The following NT5DC1 variants were observed in gnomAD, a reference collection of about 807,000 sequenced individuals.
NT5DC1 encodes the protein 5'-nucleotidase domain-containing protein 1.
In NT5DC1, 42 loss-of-function variants were observed where a neutral mutation model predicts 59.4. The observed-to-expected ratio is 0.71, with a 90% CI of 0.55 to 0.92. The LOEUF is 0.92. Among genes scored for constraint, NT5DC1 ranks in the 40% least tolerant of loss-of-function variants. The pLI is 0.00. For missense variants in NT5DC1, 501 were observed against 537.1 expected, an observed-to-expected ratio of 0.93 and a Z score of 0.66; for synonymous variants, 172 against 188.1, an observed-to-expected ratio of 0.91 and a Z score of 0.70.
At chr6:116,140,475 C>T (rs12204816) in intron 6 of NT5DC1, among the ~76,000 whole-genome samples, 21,801 of 152,012 alleles carry the variant, frequency 0.14, 2,182 homozygotes, top group Middle Eastern at 0.23. Flanking sequence ...ATATATCATT[C>T]TTTTATGCTA....
intron 8 of NT5DC1, among the ~76,000 whole-genome samples, chr6:116,231,155 C>CCG (rs199826610): frequency 0.011 from 1,548 of 147,366 alleles, 61 homozygotes; most frequent in African/African-American, 0.037. Context: ...AAATCCCCCC[C>CCG]CCAAACCAAA....
intron 6 of NT5DC1, among the ~76,000 whole-genome samples, chr6:116,131,252 A>G (rs369164541): frequency 1.3e-5 from 2 of 152,290 alleles, no homozygotes; most frequent in East Asian, 1.9e-4. Flanking sequence ...AACATTGTAT[A>G]TTTCTGAAGT....
intron 6 of NT5DC1, among the ~76,000 whole-genome samples, chr6:116,218,660 A>G (rs982451985): frequency 2.6e-5 from 4 of 152,168 alleles, no homozygotes; most frequent in Non-Finnish European, 1.5e-5. Context: ...TTAAAGGGCT[A>G]TTATATAGCC....
At chr6:116,206,477 A>T (rs528563654) in intron 6 of NT5DC1, among the ~76,000 whole-genome samples, 1 of 152,088 alleles carries the variant, frequency 6.6e-6, no homozygotes, top group East Asian at 1.9e-4. Context: ...ATTTGGGTCC[A>T]TACCACCCAG....
intron 2 of NT5DC1, among the ~76,000 whole-genome samples, chr6:116,107,740 T>C (rs1778792971): frequency 6.6e-6 from 1 of 151,608 alleles, no homozygotes; most frequent in African/African-American, 2.4e-5. Flanking sequence ...GCCCGGCTAA[T>C]TTTTTGTATT....
At chr6:116,159,738 C>T (rs1780284651) in intron 6 of NT5DC1, among the ~76,000 whole-genome samples, 1 of 152,168 alleles carries the variant, frequency 6.6e-6, no homozygotes, top group African/African-American at 2.4e-5. Context: ...AAATAGTGAA[C>T]ACTGTACCAA....
At chr6:116,146,984 G>C (rs1477443331) in intron 6 of NT5DC1, among the ~76,000 whole-genome samples, 1 of 122,024 alleles carries the variant, frequency 8.2e-6, no homozygotes, top group Non-Finnish European at 1.6e-5. Context: ...TTTTATATAT[G>C]TATAAAATAA....
intron 5 of NT5DC1, 101 bp from the exon 6 acceptor site, chr6:116,117,760 T>G (rs960985333): frequency 4.5e-6 from 3 of 660,836 alleles, no homozygotes; most frequent in Non-Finnish European, 8.0e-6. Flanking sequence ...TCTAACCATC[T>G]TAAGTCAGGG....
rs146705616 is a variant in NT5DC1, at chr6:116,122,672, G to A, written c.529+4727G>A. Among the ~76,000 whole-genome samples the A allele has an allele frequency of 3.0e-3, 458 of 152,324 alleles. 2 individuals are homozygous for A. Among genetic ancestry groups the A allele is most frequent in the African/African-American group, 1.0e-2 (414 of 41,576 alleles). On this transcript the variant is annotated intron_variant, in intron 6 of 11. Transcript: ENST00000319550. The stretch of plus-strand genomic sequence containing the variant: ...AACTAAAAATCATAGTGCCTGTGAT[G>A]TGAAAAATGCGGCTGGGCCACAAGT...
At chr6:116,203,658 G>A (rs1582871555) in intron 6 of NT5DC1, among the ~76,000 whole-genome samples, 1 of 151,814 alleles carries the variant, frequency 6.6e-6, no homozygotes, top group Admixed American at 6.6e-5. Context: ...ATTGGGGACT[G>A]TTATAAATAA....
Position 116,237,094 on chromosome 6 carries a change from A to G in NT5DC1, c.921+10A>G, listed in dbSNP as rs774590863. 1.3e-6 allele frequency: 2 copies of G among 1,529,814 alleles called. No individual in the cohort carries two copies. Among genetic ancestry groups the G allele is most frequent in the South Asian group, 2.2e-5 (2 of 89,202 alleles). The allele number at this position is 1,529,814 out of a possible 1,614,324, so 94.8% of individuals were successfully genotyped here. ...CAAACCTGAACCCAAGGTATTTCCC[A>G]GTTGAGGAGAAGTCCTCAGTGCCCA... On this transcript the variant is annotated intron_variant, in intron 9 of 11. Coordinates refer to ENST00000319550, the MANE Select transcript of NT5DC1 (RefSeq NM_152729.3).
chr6:116,163,537 CT>C (rs1562146023), intron 6 of NT5DC1, among the ~76,000 whole-genome samples: 1 of 151,850 alleles, frequency 6.6e-6, no homozygotes, highest in African/African-American at 2.4e-5. Flanking sequence ...AGTTAGTAGT[CT>C]ATCAATTTTT....
At position 116,249,117 on chromosome 6, in the gene NT5DC1, C is replaced by T. The variant is rs1276369895; in HGVS notation, c.*5093C>T. 6.6e-6 allele frequency: 1 copy of T among 152,120 alleles called. No individual in the cohort carries two copies. The highest frequency in any genetic ancestry group is 1.5e-5 in the Non-Finnish European group (1 of 68,014). The allele number at this position is 152,120 out of a possible 1,614,324, so 9.4% of individuals were successfully genotyped here. ...CACTGAACTGAAAAGGTAAAATGAA[C>T]ATTGTTAGAGGAATTTAGGATTAAG... On this transcript the variant is annotated 3_prime_UTR_variant, in exon 12 of 12. Transcript: ENST00000319550.
chr6:116,183,280 TATA>T (rs1198319897), intron 6 of NT5DC1, among the ~76,000 whole-genome samples: 2 of 152,122 alleles, frequency 1.3e-5, no homozygotes, highest in Non-Finnish European at 2.9e-5. Flanking sequence ...ATTATGGCCT[TATA>T]GTATAGTTCA....
intron 8 of NT5DC1, among the ~76,000 whole-genome samples, chr6:116,235,066 A>G (rs1286663360): frequency 7.3e-6 from 1 of 137,656 alleles, no homozygotes; most frequent in East Asian, 2.2e-4. Flanking sequence ...TTCCTATTAG[A>G]TTACTGAGTC....
At chr6:116,230,424 A>G (rs575622201) in intron 8 of NT5DC1, among the ~76,000 whole-genome samples, 2 of 152,308 alleles carry the variant, frequency 1.3e-5, no homozygotes, top group South Asian at 2.1e-4. Flanking sequence ...TTATTCTTAT[A>G]TCAAGTTTTT....
At chr6:116,101,883 A>G (rs1431927637) in intron 1 of NT5DC1, among the ~76,000 whole-genome samples, 1 of 152,184 alleles carries the variant, frequency 6.6e-6, no homozygotes, top group Non-Finnish European at 1.5e-5. Flanking sequence ...GGTTATGAGT[A>G]CAGTGGTGAA....
intron 6 of NT5DC1, among the ~76,000 whole-genome samples, chr6:116,143,056 A>T (rs34224224): frequency 0.19 from 29,028 of 152,178 alleles, 3,406 homozygotes; most frequent in Middle Eastern, 0.34. Context: ...CTTACTAGGA[A>T]ATTCCTGGAG....
chr6:116,140,080 A>G (rs927148332), intron 6 of NT5DC1, among the ~76,000 whole-genome samples: 1 of 152,198 alleles, frequency 6.6e-6, no homozygotes, highest in Non-Finnish European at 1.5e-5. Flanking sequence ...CCACAGGTTC[A>G]TAAAGCCAGT....
Sources: allele counts gnomAD v4.1 joint callset (sites outside exome capture counted in the v4.1 genomes callset), GRCh38; gene constraint gnomAD v4.1.1; transcripts MANE v1.5; gene names NCBI Gene and HGNC (gene_info 2026-07-23, HGNC 2026-07-21).